Variants in CACNA1D observed in about 807,000 individuals in gnomAD.
The protein encoded by CACNA1D is calcium voltage-gated channel subunit alpha1 D.
A neutral mutation model predicts 257.1 loss-of-function variants in CACNA1D; 55 were observed. That is an observed-to-expected ratio of 0.21 (90% confidence interval 0.17 to 0.27). The LOEUF (loss-of-function observed/expected upper bound fraction) is 0.27. Ranked by LOEUF, CACNA1D falls within the 10% of genes least tolerant of loss-of-function variation. The probability of loss-of-function intolerance (pLI) is 1.00; values close to 1 mark genes in which losing one functional copy is unlikely to be tolerated. For synonymous variants in CACNA1D, 980 were observed against 1,014.9 expected, an observed-to-expected ratio of 0.97 and a Z score of 0.65; for missense variants, 1,876 against 2,784.0, an observed-to-expected ratio of 0.67 and a Z score of 7.34.
chr3:53,623,426 G>T (rs757386106), intron 3 of CACNA1D, among the ~76,000 whole-genome samples: 1 of 152,214 alleles, frequency 6.6e-6, no homozygotes, highest in Admixed American at 6.5e-5. Context: ...GGATGACAAG[G>T]TGTGTGATAA....
chr3:53,513,393 G>T (rs1315866062), intron 3 of CACNA1D, among the ~76,000 whole-genome samples: 1 of 152,180 alleles, frequency 6.6e-6, no homozygotes, highest in Admixed American at 6.5e-5. Context: ...TGTAATCCTA[G>T]CACTTTGGGA....
At chr3:53,653,544 GATGAAAAATATATCCAAA>G (rs1282797886) in intron 4 of CACNA1D, among the ~76,000 whole-genome samples, 3 of 152,102 alleles carry the variant, frequency 2.0e-5, no homozygotes, top group Non-Finnish European at 4.4e-5. Context: ...AACTTTAAGA[GATGAAAAATATATCCAAA>G]ATGAAAAATT....
Position 53,781,551 on chromosome 3 carries a change from GT to G in CACNA1D, c.4691-9del, listed in dbSNP as rs923725582. ...AAATGAGGCTTGCTTTTCCCCTTTT[GT>G]TTTTTGAATCCAGGGAACCTGGAGC... On this transcript the variant is annotated splice_polypyrimidine_tract_variant and intron_variant, in intron 38 of 47. Transcript: ENST00000350061. The G allele has an allele frequency of 1.2e-5, 19 of 1,580,728 alleles. No individual in the cohort carries two copies. The highest frequency in any genetic ancestry group is 1.6e-5 in the Non-Finnish European group (18 of 1,149,680).
intron 8 of CACNA1D, among the ~76,000 whole-genome samples, chr3:53,684,861 T>G (rs1488028354): frequency 6.6e-6 from 1 of 151,976 alleles, no homozygotes; most frequent in East Asian, 1.9e-4. Flanking sequence ...GACTGAGAAC[T>G]TAAGGATGCA....
intron 5 of CACNA1D, among the ~76,000 whole-genome samples, chr3:53,662,480 C>T (rs1249284582): frequency 6.6e-6 from 1 of 152,138 alleles, no homozygotes; most frequent in Non-Finnish European, 1.5e-5. Flanking sequence ...AAACATTTAT[C>T]AAAGTTCAAG....
At chr3:53,503,950 T>C (rs1296626959) in intron 3 of CACNA1D, among the ~76,000 whole-genome samples, 1 of 152,130 alleles carries the variant, frequency 6.6e-6, no homozygotes, top group Admixed American at 6.5e-5. Flanking sequence ...ACTCTTTAAA[T>C]ACTTCCTTTC....
At chr3:53,651,361 A>ATTTTTTT (rs1576235107) in intron 4 of CACNA1D, among the ~76,000 whole-genome samples, 36 of 57,090 alleles carry the variant, frequency 6.3e-4, no homozygotes, top group African/African-American at 1.4e-3. Flanking sequence ...AAAGCTATTA[A>ATTTTTTT]TTTTCTTTTT....
intron 19 of CACNA1D, among the ~76,000 whole-genome samples, 197 bp downstream of exon 19, chr3:53,733,159 C>A (rs2095016330): frequency 6.6e-6 from 1 of 152,204 alleles, no homozygotes; most frequent in African/African-American, 2.4e-5. Flanking sequence ...TCATCTCTTC[C>A]TAGCTGCCTC....
chr3:53,667,841 A>ATGTG (rs61605595), intron 7 of CACNA1D, among the ~76,000 whole-genome samples: 20,090 of 149,958 alleles, frequency 0.13, 1,706 homozygotes, highest in Middle Eastern at 0.25. Flanking sequence ...GTGTGTATGC[A>ATGTG]TGTGTGTGTG....
In CACNA1D at chr3:53,555,437, G is replaced by T. The variant is rs374353177; in HGVS notation, c.483+53717G>T. On this transcript the variant is annotated intron_variant, in intron 3 of 47. Coordinates refer to ENST00000350061, the MANE Select transcript of CACNA1D (RefSeq NM_001128840.3). ...TGCTCTCTGGCTGCTTTTTCTGGTGGGTGTGTGTGTGTGTGTGTGTGTGTT... is the reference window on the plus strand; with the variant it reads ...TGCTCTCTGGCTGCTTTTTCTGGTGTGTGTGTGTGTGTGTGTGTGTGTGTT... Among the ~76,000 whole-genome samples the T allele has an allele frequency of 3.9e-3, 485 of 122,858 alleles. 4 individuals carry two copies. The highest frequency in any genetic ancestry group is 0.015 in the African/African-American group (437 of 29,302). 80.6% of individuals were successfully genotyped at this position (122,858 alleles called of 152,430 possible). A position where few individuals can be genotyped will look rare whatever the true frequency, so the allele number is the denominator to read the frequency against.
rs1031422822 is a variant in CACNA1D, at chr3:53,502,841, A to G, written c.483+1121A>G. On this transcript the variant is annotated intron_variant, in intron 3 of 47. Coordinates refer to ENST00000350061, the MANE Select transcript of CACNA1D (RefSeq NM_001128840.3). Reference sequence around the variant, plus strand: ...AATCAGAAGCCATGCAGAATGGGAGATGAAGGGGAGCCCATTCTGGATAAC... The same window carrying G: ...AATCAGAAGCCATGCAGAATGGGAGGTGAAGGGGAGCCCATTCTGGATAAC... Among the ~76,000 whole-genome samples, 23 of 152,120 alleles carry G rather than the reference A, an allele frequency of 1.5e-4. 1 individual carries two copies. Among genetic ancestry groups the G allele is most frequent in the African/African-American group, 2.4e-5 (1 of 41,396 alleles).
At chr3:53,587,137 T>G (rs1188798581) in intron 3 of CACNA1D, among the ~76,000 whole-genome samples, 2 of 152,118 alleles carry the variant, frequency 1.3e-5, no homozygotes, top group East Asian at 1.9e-4. Context: ...AGGACTGATG[T>G]GGGTTTTAGA....
At chr3:53,580,423 G>T (rs2093112521) in intron 3 of CACNA1D, among the ~76,000 whole-genome samples, 1 of 152,208 alleles carries the variant, frequency 6.6e-6, no homozygotes, top group Admixed American at 6.5e-5. Flanking sequence ...AAAGTGCCTG[G>T]CAGATGCTTG....
intron 8 of CACNA1D, among the ~76,000 whole-genome samples, chr3:53,700,194 A>G (rs777532504): frequency 7.3e-5 from 11 of 151,572 alleles, no homozygotes; most frequent in Non-Finnish European, 5.9e-5. Flanking sequence ...CTCTTTTACT[A>G]TCTTCATAAT....
intron 3 of CACNA1D, among the ~76,000 whole-genome samples, chr3:53,572,265 C>T (rs1298532051): frequency 7.2e-5 from 11 of 152,218 alleles, no homozygotes; most frequent in Admixed American, 7.2e-4. Context: ...ACCTAGGGTG[C>T]TGACCCCACA....
At chr3:53,790,096 T>A (rs1223536325) in intron 40 of CACNA1D, among the ~76,000 whole-genome samples, 2 of 152,202 alleles carry the variant, frequency 1.3e-5, no homozygotes, top group Non-Finnish European at 2.9e-5. Context: ...AGGCCTTTTT[T>A]AATTTCCTCT....
At position 53,718,714 on chromosome 3, in the gene CACNA1D, C is replaced by T. The variant is rs925150951; in HGVS notation, c.1478+326C>T. 1.3e-6 allele frequency: 2 copies of T among 1,559,538 alleles called. No individual in the cohort carries two copies. The highest frequency in any genetic ancestry group is 1.4e-5 in the African/African-American group (1 of 73,676). ...TGGAGACGGAGAGGCGCGGCCAAGG[C>T]GGGGCCCTCTGGGTGTCGGCGGTGG... On this transcript the variant is annotated intron_variant, in intron 10 of 47. Coordinates refer to ENST00000350061, the MANE Select transcript of CACNA1D (RefSeq NM_001128840.3).
At chr3:53,648,892 T>C (rs962590339) in intron 3 of CACNA1D, among the ~76,000 whole-genome samples, 4 of 151,726 alleles carry the variant, frequency 2.6e-5, no homozygotes, top group African/African-American at 4.9e-5. Flanking sequence ...ATAATGGTGT[T>C]CTGAGGAGCA....
chr3:53,723,727 G>T lies in CACNA1D; in HGVS notation c.1893-65G>T. The T allele has an allele frequency of 6.4e-7, 1 of 1,571,902 alleles. No individual in the cohort carries two copies. The highest frequency in any genetic ancestry group is 8.8e-7 in the Non-Finnish European group (1 of 1,141,530). Reference sequence around the variant, plus strand: ...AGGCGGCAACCAGTCACATCCCCGGGCAGGTGATGTTCTGCTCTGTCCTGC... The same window carrying T: ...AGGCGGCAACCAGTCACATCCCCGGTCAGGTGATGTTCTGCTCTGTCCTGC... On this transcript the variant is annotated intron_variant, in intron 13 of 47. Coordinates refer to ENST00000350061, the MANE Select transcript of CACNA1D (RefSeq NM_001128840.3). The surrounding 1 kb of genome is among the most constrained non-coding windows in gnomAD (Gnocchi z 5.6).
Sources: gnomAD v4.1 joint callset for allele counts (sites outside exome capture counted in the v4.1 genomes callset) on GRCh38, gnomAD v4.1.1 for gene constraint, Gnocchi (gnomAD v3.1) non-coding constraint, MANE v1.5 for transcripts, NCBI Gene and HGNC (gene_info 2026-07-23, HGNC 2026-07-21) for gene names.